OR6C74: variants seen among roughly 807,000 people sequenced by gnomAD.
OR6C74 encodes olfactory receptor family 6 subfamily C member 74.
For missense variants in OR6C74, 361 were observed against 362.9 expected (o/e 0.99, Z 0.04); for synonymous variants, 142 against 134.2 (o/e 1.06, Z -0.40).
At position 55,255,663 on chromosome 12, in the gene OR6C74, T is replaced by C. The variant is rs949209309; in HGVS notation, c.*7437T>C. Among the ~76,000 whole-genome samples the C allele has an allele frequency of 1.3e-5, 2 of 152,158 alleles. No homozygotes were observed. The highest frequency in any genetic ancestry group is 4.8e-5 in the African/African-American group (2 of 41,452). ...ATATCCTTTGCAGGGACATGGATGA[T>C]GCTGGAAACTATCATTCTCAGCAAA... On this transcript the variant is annotated 3_prime_UTR_variant, in exon 2 of 2. Transcript: ENST00000343399.
rs1346746194 is a variant in OR6C74, at chr12:55,254,310, T to C, written c.*6084T>C. 6.6e-6 allele frequency among the ~76,000 whole-genome samples: 1 copy of C among 152,078 alleles called. No homozygotes were observed. The highest frequency in any genetic ancestry group is 1.5e-5 in the Non-Finnish European group (1 of 67,982). On this transcript the variant is annotated 3_prime_UTR_variant, in exon 2 of 2. Transcript: ENST00000343399. ...ATAGCTAAGGGGTATGTAAGTAAAT[T>C]GCATACAATAAAGCTGTTCCATATT...
In OR6C74 at chr12:55,250,309, GTAAATCCA is replaced by G. The variant is rs1240279281; in HGVS notation, c.*2090_*2097del. Among the ~76,000 whole-genome samples the G allele has an allele frequency of 6.6e-6, 1 of 151,972 alleles. No homozygotes were observed. Among genetic ancestry groups the G allele is most frequent in the Admixed American group, 6.6e-5 (1 of 15,246 alleles). On this transcript the variant is annotated 3_prime_UTR_variant, in exon 2 of 2. Transcript: ENST00000343399. ...GCTCTTTTTAAAGTCTAATATATAG[GTAAATCCA>G]TAAATCATTGAATGTATATTAAAAA... is the stretch of plus-strand genomic sequence containing the variant.
rs533348611 is a variant in OR6C74 at position 55,248,477 on chromosome 12, C to T, written c.*251C>T. Among the ~76,000 whole-genome samples, 143 of 152,160 alleles carry T rather than the reference C, an allele frequency of 9.4e-4. No individual in the cohort carries two copies. Among genetic ancestry groups the T allele is most frequent in the Non-Finnish European group, 1.8e-3 (123 of 68,006 alleles). ...TGTTATTTATTGCCTCTTTTATTTC[C>T]TCTCAAAATTCTCTCAGAGGAAGAC... On this transcript the variant is annotated 3_prime_UTR_variant, in exon 2 of 2. Transcript: ENST00000343399.
At position 55,255,620 on chromosome 12, in the gene OR6C74, A is replaced by G. The variant is rs2136316728; in HGVS notation, c.*7394A>G. Reference sequence around the variant, plus strand: ...ATGGAACACTATAAAATATACATCCATAAAAAACGATGAGTTCATATCCTT... The same window carrying G: ...ATGGAACACTATAAAATATACATCCGTAAAAAACGATGAGTTCATATCCTT... On this transcript the variant is annotated 3_prime_UTR_variant, in exon 2 of 2. Coordinates refer to ENST00000343399, the MANE Select transcript of OR6C74 (RefSeq NM_001005490.2). Among the ~76,000 whole-genome samples the G allele has an allele frequency of 6.6e-6, 1 of 152,320 alleles. No individual in the cohort carries two copies. The highest frequency in any genetic ancestry group is 1.9e-4 in the East Asian group (1 of 5,176).
rs181808443 is a variant in OR6C74 at position 55,244,732 on chromosome 12, G to C, written c.-95G>C. On this transcript the variant is annotated 5_prime_UTR_variant, in exon 1 of 2. Transcript: ENST00000343399. The stretch of plus-strand genomic sequence containing the variant: ...TAGAAGAGATATGATAAACATAGAG[G>C]TAGATATATGCTCCAAATTTAATTT... Among the ~76,000 whole-genome samples the C allele has an allele frequency of 6.1e-5, 9 of 147,314 alleles. No individual in the cohort carries two copies. In the East Asian group the frequency reaches 1.6e-3, roughly 25 times the overall value.
Position 55,254,925 on chromosome 12 carries a change from A to G in OR6C74, c.*6699A>G, listed in dbSNP as rs1455602481. ...GGATCTATTTCATGCAACCACTTGT[A>G]GTACCAAATATATCAGTTATCACTG... On this transcript the variant is annotated 3_prime_UTR_variant, in exon 2 of 2. Transcript: ENST00000343399. Among the ~76,000 whole-genome samples the G allele has an allele frequency of 6.6e-6, 1 of 152,154 alleles. No homozygotes were observed. Among genetic ancestry groups the G allele is most frequent in the African/African-American group, 2.4e-5 (1 of 41,454 alleles).
At position 55,247,412 on chromosome 12, in the gene OR6C74, CCAT is replaced by C. The variant is rs777066527; in HGVS notation, c.131_133del (p.Ile44del). On this transcript the variant is annotated inframe_deletion, in exon 2 of 2. Coordinates refer to ENST00000343399, the MANE Select transcript of OR6C74 (RefSeq NM_001005490.2). ...ATGTTGAGCATCACTGGGAATCTAA[CCAT>C]CATCACTCTCACCCTACTGGATTTG... 24 of 1,612,580 alleles carry C rather than the reference CCAT, an allele frequency of 1.5e-5. No individual in the cohort carries two copies. The highest frequency in any genetic ancestry group is 6.6e-5 in the South Asian group (6 of 91,056).
In OR6C74 at chr12:55,250,960, A is replaced by T. The variant is rs1954308078; in HGVS notation, c.*2734A>T. Among the ~76,000 whole-genome samples, 1 of 152,096 alleles carries T rather than the reference A, an allele frequency of 6.6e-6. No homozygotes were observed. The highest frequency in any genetic ancestry group is 6.6e-5 in the Admixed American group (1 of 15,254). On this transcript the variant is annotated 3_prime_UTR_variant, in exon 2 of 2. Transcript: ENST00000343399. ...CCTTCCTGCCTTTGATCTCTAACTC[A>T]TCCTCCACATTGCTAGTAGGATACT...
chr12:55,247,896 G>A lies in OR6C74; in HGVS notation c.609G>A (p.Leu203=). 1 of 1,613,976 alleles carries A rather than the reference G, an allele frequency of 6.2e-7. No homozygotes were observed. The highest frequency in any genetic ancestry group is 8.5e-7 in the Non-Finnish European group (1 of 1,179,950). ...TAATGATGCTTCTCTCAGCCATTTT[G>A]ACGCTCCTGGTTACACTGGTATTAG... ...IELMMLLSAI[L]TLLVTLVLVI... is the part of the protein sequence containing the mutation. The change falls in exon 2 of 2, where the codon TTG becomes TTA. Residue 203 remains leucine (L), a synonymous_variant. Coordinates refer to ENST00000343399, the MANE Select transcript of OR6C74 (RefSeq NM_001005490.2).
rs1467092905 is a variant in OR6C74 at position 55,248,453 on chromosome 12, GTTAT to G, written c.*233_*236del. ...TGGTTTTGGTCAAAATCATTTGCCT[GTTAT>G]TTATTGCCTCTTTTATTTCCTCTCA... On this transcript the variant is annotated 3_prime_UTR_variant, in exon 2 of 2. Coordinates refer to ENST00000343399, the MANE Select transcript of OR6C74 (RefSeq NM_001005490.2). Among the ~76,000 whole-genome samples the G allele has an allele frequency of 2.4e-4, 37 of 152,250 alleles. 1 individual carries two copies. Among genetic ancestry groups the G allele is most frequent in the African/African-American group, 8.9e-4 (37 of 41,552 alleles).
chr12:55,248,944 AT>A lies in OR6C74; in HGVS notation c.*720del, dbSNP rs1437138061. Among the ~76,000 whole-genome samples the A allele has an allele frequency of 6.6e-6, 1 of 152,186 alleles. No homozygotes were observed. Among genetic ancestry groups the A allele is most frequent in the Non-Finnish European group, 1.5e-5 (1 of 68,026 alleles). Reference sequence around the variant, plus strand: ...AGGTATTTATATGCTCCATTTATGGATTAAAAATATAAGTCATAAGGATTAA... The same window carrying A: ...AGGTATTTATATGCTCCATTTATGGATAAAAATATAAGTCATAAGGATTAA... On this transcript the variant is annotated 3_prime_UTR_variant, in exon 2 of 2. Coordinates refer to ENST00000343399, the MANE Select transcript of OR6C74 (RefSeq NM_001005490.2).
At position 55,247,001 on chromosome 12, in the gene OR6C74, T is replaced by C. The variant is rs150870866; in HGVS notation, c.-9-278T>C. On this transcript the variant is annotated intron_variant, in intron 1 of 1. Transcript: ENST00000343399. The stretch of plus-strand genomic sequence containing the variant: ...AGTTGAAATATTATGATAGTTCTTG[T>C]GTTTGTTTTTATATTGACATGACTT... Among the ~76,000 whole-genome samples the C allele has an allele frequency of 3.3e-3, 501 of 152,048 alleles. 2 individuals are homozygous for C. Among genetic ancestry groups the C allele is most frequent in the Non-Finnish European group, 5.5e-3 (376 of 68,030 alleles).
rs1211170485 is a variant in OR6C74, at chr12:55,249,721, T to C, written c.*1495T>C. Among the ~76,000 whole-genome samples, 7 of 152,114 alleles carry C rather than the reference T, an allele frequency of 4.6e-5. No individual in the cohort carries two copies. The highest frequency in any genetic ancestry group is 4.6e-4 in the Admixed American group (7 of 15,264). On this transcript the variant is annotated 3_prime_UTR_variant, in exon 2 of 2. Coordinates refer to ENST00000343399, the MANE Select transcript of OR6C74 (RefSeq NM_001005490.2). ...ATATCTAGGGAGTATTCTTTAACTT[T>C]CACTATTTGGCTTTCTTTGCATCAG...
At position 55,247,472 on chromosome 12, in the gene OR6C74, G is replaced by T; in HGVS notation, c.185G>T (p.Arg62Leu). The change falls in exon 2 of 2, where the codon CGA becomes CTA. Residue 62 changes from arginine to leucine, a missense_variant. Transcript: ENST00000343399. ...AAGACACCCATGTATTTCTTCCTCC[G>T]AAATTTCTCATTTTTAGAAGTCTCA... ...HLKTPMYFFL[R>L]NFSFLEVSFT... 6.2e-7 allele frequency: 1 copy of T among 1,613,536 alleles called. No individual in the cohort carries two copies. The highest frequency in any genetic ancestry group is 8.5e-7 in the Non-Finnish European group (1 of 1,179,856).
At position 55,253,966 on chromosome 12, in the gene OR6C74, G is replaced by A. The variant is rs3922689; in HGVS notation, c.*5740G>A. ...CAGTTAGAAACCTAATGAGCTGCCT[G>A]TTTATTTTAGTCCTAGGAACTTCAT... On this transcript the variant is annotated 3_prime_UTR_variant, in exon 2 of 2. Transcript: ENST00000343399. Among the ~76,000 whole-genome samples the A allele has an allele frequency of 0.12, 18,393 of 152,016 alleles. 2,454 individuals are homozygous for A. Among genetic ancestry groups the A allele is most frequent in the African/African-American group, 0.34 (13,899 of 41,444 alleles).
Position 55,252,740 on chromosome 12 carries a change from C to A in OR6C74, c.*4514C>A, listed in dbSNP as rs1461617478. ...GTGATATCTTCAAGAAAACATATTA[C>A]TGATGGAGACCTGTTGTCATAGGGA... On this transcript the variant is annotated 3_prime_UTR_variant, in exon 2 of 2. Transcript: ENST00000343399. 1.3e-5 allele frequency among the ~76,000 whole-genome samples: 2 copies of A among 151,886 alleles called. No homozygotes were observed. The highest frequency in any genetic ancestry group is 4.8e-5 in the African/African-American group (2 of 41,398).
At position 55,255,632 on chromosome 12, in the gene OR6C74, G is replaced by T. The variant is rs1472774077; in HGVS notation, c.*7406G>T. 6.6e-6 allele frequency among the ~76,000 whole-genome samples: 1 copy of T among 152,156 alleles called. No homozygotes were observed. The highest frequency in any genetic ancestry group is 2.4e-5 in the African/African-American group (1 of 41,440). ...AAAATATACATCCATAAAAAACGAT[G>T]AGTTCATATCCTTTGCAGGGACATG... On this transcript the variant is annotated 3_prime_UTR_variant, in exon 2 of 2. Coordinates refer to ENST00000343399, the MANE Select transcript of OR6C74 (RefSeq NM_001005490.2).
Position 55,250,137 on chromosome 12 carries a change from T to C in OR6C74, c.*1911T>C, listed in dbSNP as rs1471064013. ...TTGGAATCTGACAAAAAGTCTGATC[T>C]GGAATATCTCAGATTTTCTTCTGAA... is the stretch of plus-strand genomic sequence containing the variant. On this transcript the variant is annotated 3_prime_UTR_variant, in exon 2 of 2. Transcript: ENST00000343399. Among the ~76,000 whole-genome samples the C allele has an allele frequency of 6.6e-6, 1 of 152,166 alleles. No homozygotes were observed. The highest frequency in any genetic ancestry group is 1.5e-5 in the Non-Finnish European group (1 of 68,010).
chr12:55,246,714 C>T (rs1954272353), intron 1 of OR6C74, among the ~76,000 whole-genome samples: 1 of 152,072 alleles, frequency 6.6e-6, no homozygotes, highest in African/African-American at 2.4e-5. Flanking sequence ...TAAAAATGGT[C>T]ATGAGGATGG....
Sources: gnomAD v4.1 joint callset for allele counts (sites outside exome capture counted in the v4.1 genomes callset) on GRCh38, gnomAD v4.1.1 for gene constraint, MANE v1.5 for transcripts, NCBI Gene and HGNC (gene_info 2026-07-23, HGNC 2026-07-21) for gene names.